Variants in NAA16 observed in about 807,000 individuals in gnomAD.
The protein encoded by NAA16 is N-alpha-acetyltransferase 16, NatA auxiliary subunit, also known as NARG1-like protein.
Under a neutral mutation model 110.3 loss-of-function variants are expected in NAA16, and 97 were observed. The ratio of observed to expected loss-of-function variants is 0.88; its 90% confidence interval spans 0.75 to 1.04. The LOEUF is 1.04. Among genes scored for constraint, NAA16 ranks in the 50% least tolerant of loss-of-function variants. The pLI, the probability that NAA16 is intolerant of heterozygous loss-of-function variation, is 0.00. For missense variants in NAA16, 1,017 were observed against 1,005.1 expected, an observed-to-expected ratio of 1.01 and a Z score of -0.16; for synonymous variants, 372 against 330.6, an observed-to-expected ratio of 1.13 and a Z score of -1.36.
chr13:41,328,511 A>C (rs537626025), intron 6 of NAA16, among the ~76,000 whole-genome samples: 4 of 152,146 alleles, frequency 2.6e-5, no homozygotes, highest in African/African-American at 9.6e-5. Flanking sequence ...ATTTGTTTGG[A>C]GTGTAAGAGG....
chr13:41,336,548 G>A (rs2042386068), intron 8 of NAA16, 102 bp from the exon 9 acceptor site: 2 of 645,116 alleles, frequency 3.1e-6, no homozygotes, highest in Non-Finnish European at 5.3e-6. Flanking sequence ...AAATTGGATA[G>A]GAGCATAATT....
At chr13:41,344,016 C>G (rs994002876) in intron 9 of NAA16, among the ~76,000 whole-genome samples, 1 of 152,220 alleles carries the variant, frequency 6.6e-6, no homozygotes, top group Non-Finnish European at 1.5e-5. Context: ...GTTATATAAT[C>G]TTCATTATCC....
rs74049136 is a variant in NAA16 at position 41,337,096 on chromosome 13, A to G, written c.1014+340A>G. ...TTTTAAATTAGTTATGCATGCTTTTAAAGTTAGAGCTTGGATAATTGAGTT... is the reference window on the plus strand; with the variant it reads ...TTTTAAATTAGTTATGCATGCTTTTGAAGTTAGAGCTTGGATAATTGAGTT... On this transcript the variant is annotated intron_variant, in intron 9 of 19. Coordinates refer to ENST00000379406, the MANE Select transcript of NAA16 (RefSeq NM_024561.5). Among the ~76,000 whole-genome samples, 1,054 of 152,276 alleles carry G rather than the reference A, an allele frequency of 6.9e-3. 16 individuals carry two copies. The highest frequency in any genetic ancestry group is 0.023 in the African/African-American group (973 of 41,542).
chr13:41,347,797 G>A (rs7989372), intron 9 of NAA16, among the ~76,000 whole-genome samples: 94,123 of 151,970 alleles, frequency 0.62, 32,246 homozygotes, highest in South Asian at 0.76. Flanking sequence ...CAAATAGATC[G>A]TTTTACTTCT....
intron 9 of NAA16, among the ~76,000 whole-genome samples, chr13:41,338,678 T>C (rs1481026009): frequency 1.3e-5 from 2 of 152,308 alleles, no homozygotes; most frequent in East Asian, 3.9e-4. Flanking sequence ...GATTTACTCA[T>C]GAGACCATTT....
intron 9 of NAA16, among the ~76,000 whole-genome samples, chr13:41,342,645 A>G (rs2042582987): frequency 6.6e-6 from 1 of 152,202 alleles, no homozygotes; most frequent in African/African-American, 2.4e-5. Flanking sequence ...TAGCAGCTTA[A>G]TGAGAAGATT....
chr13:41,346,279 A>C (rs1228827938), intron 9 of NAA16, among the ~76,000 whole-genome samples: 1 of 152,248 alleles, frequency 6.6e-6, no homozygotes, highest in Admixed American at 6.5e-5. Flanking sequence ...TGTCTAAAAA[A>C]GATTAACCAT....
chr13:41,372,230 A>G lies in NAA16; in HGVS notation c.1975A>G (p.Lys659Glu). 6.3e-7 allele frequency: 1 copy of G among 1,588,686 alleles called. No homozygotes were observed. The highest frequency in any genetic ancestry group is 1.8e-5 in the Admixed American group (1 of 54,990). ...RVENPLEEAV[K>E]FLIPLKNLVA... ...AGAAAATCCATTAGAGGAAGCCGTTAAGTTCCTTATACCTCTTAAGAACCT... is the reference window on the plus strand; with the variant it reads ...AGAAAATCCATTAGAGGAAGCCGTTGAGTTCCTTATACCTCTTAAGAACCT... Residue 659 changes from lysine to glutamate, a missense_variant, in exon 16 of 20, where the codon AAG becomes GAG. Transcript: ENST00000379406.
At chr13:41,324,252 C>A (rs1007114268) in intron 5 of NAA16, among the ~76,000 whole-genome samples, 3 of 151,512 alleles carry the variant, frequency 2.0e-5, no homozygotes, top group African/African-American at 7.3e-5. Flanking sequence ...CAAGTTCTGA[C>A]CAAAAGATAG....
intron 10 of NAA16, among the ~76,000 whole-genome samples, chr13:41,355,978 G>T (rs953758627): frequency 6.6e-6 from 1 of 152,138 alleles, no homozygotes; most frequent in Non-Finnish European, 1.5e-5. Flanking sequence ...TAACTTCCGG[G>T]TTCCTTATGT....
intron 9 of NAA16, among the ~76,000 whole-genome samples, chr13:41,353,754 G>A (rs1011779339): frequency 1.5e-5 from 2 of 137,536 alleles, no homozygotes; most frequent in Non-Finnish European, 3.1e-5. Context: ...GTGACAGAGG[G>A]CGACCCTGTC....
chr13:41,362,899 A>T (rs1593519116), intron 13 of NAA16: 1 of 1,173,840 alleles, frequency 8.5e-7, no homozygotes, highest in Non-Finnish European at 1.1e-6. Flanking sequence ...GCACCGTGGC[A>T]GTCACTTTGG....
rs377689273 is a variant in NAA16, at chr13:41,325,259, G to A, written c.538-439G>A. On this transcript the variant is annotated intron_variant, in intron 5 of 19. Transcript: ENST00000379406. ...TGTGCGCCACCGTGCCTGGCCAACGGAACTTACATGCACTGGGAAACCATA... is the reference window on the plus strand; with the variant it reads ...TGTGCGCCACCGTGCCTGGCCAACGAAACTTACATGCACTGGGAAACCATA... Among the ~76,000 whole-genome samples the A allele has an allele frequency of 6.5e-5, 9 of 138,532 alleles. No homozygotes were observed. In the East Asian group the frequency reaches 1.7e-3, roughly 26 times the overall value. 90.9% of individuals were successfully genotyped at this position (138,532 alleles called of 152,430 possible). A position where few individuals can be genotyped will look rare whatever the true frequency, so the allele number is the denominator to read the frequency against.
chr13:41,361,968 G>T (rs2043120103), intron 12 of NAA16, 63 bp from the exon 13 acceptor site: 4 of 1,567,534 alleles, frequency 2.6e-6, no homozygotes, highest in Non-Finnish European at 3.5e-6. Context: ...TTGTAAAGAG[G>T]AAATGATTTT....
At chr13:41,325,336 C>T (rs2042063775) in intron 5 of NAA16, among the ~76,000 whole-genome samples, 1 of 152,086 alleles carries the variant, frequency 6.6e-6, no homozygotes, top group Non-Finnish European at 1.5e-5. Flanking sequence ...CCCACAATAT[C>T]TCCAAGGTAT....
chr13:41,366,126 T>G (rs1361607516), intron 13 of NAA16, among the ~76,000 whole-genome samples: 3 of 152,158 alleles, frequency 2.0e-5, no homozygotes, highest in Non-Finnish European at 4.4e-5. Flanking sequence ...ATTTTATTGG[T>G]GGGAAAGATG....
Position 41,316,894 on chromosome 13 carries a change from A to G in NAA16, c.103A>G (p.Met35Val). The part of the protein sequence containing the change: ...QYKNGLKFCK[M>V]ILSNPKFAEH... ...CAAAAATGGCCTCAAGTTTTGCAAG[A>G]TGATTCTGTCGAACCCAAAATTTGC... is the stretch of plus-strand genomic sequence containing the variant. The change falls in exon 2 of 20, where the codon ATG (methionine) becomes GTG (valine). Residue 35 changes from methionine to valine, a missense_variant. By Grantham distance (21) the Met-to-Val change is conservative. Coordinates refer to ENST00000379406, the MANE Select transcript of NAA16 (RefSeq NM_024561.5). 2 of 1,613,854 alleles carry G rather than the reference A, an allele frequency of 1.2e-6. No individual in the cohort carries two copies. Among genetic ancestry groups the G allele is most frequent in the Non-Finnish European group, 8.5e-7 (1 of 1,179,834 alleles).
intron 9 of NAA16, among the ~76,000 whole-genome samples, chr13:41,350,970 T>A (rs2139470629): frequency 6.6e-6 from 1 of 152,250 alleles, no homozygotes; most frequent in East Asian, 1.9e-4. Context: ...GTACATTGAT[T>A]TGGGACTTCC....
In NAA16 at chr13:41,314,930, G is replaced by T. The variant is rs544033252; in HGVS notation, c.55-1916G>T. 6.8e-4 allele frequency among the ~76,000 whole-genome samples: 103 copies of T among 152,318 alleles called. 1 individual carries two copies. Among genetic ancestry groups the T allele is most frequent in the Admixed American group, 1.1e-3 (17 of 15,302 alleles). ...GTGGGAAGATCACTTGAGCTCAGCAGTTTGAGGTTATGGTGATTGTGTCAC... is the reference window on the plus strand; with the variant it reads ...GTGGGAAGATCACTTGAGCTCAGCATTTTGAGGTTATGGTGATTGTGTCAC... On this transcript the variant is annotated intron_variant, in intron 1 of 19. Coordinates refer to ENST00000379406, the MANE Select transcript of NAA16 (RefSeq NM_024561.5).
Sources: gnomAD v4.1 joint callset for allele counts (sites outside exome capture counted in the v4.1 genomes callset) on GRCh38, gnomAD v4.1.1 for gene constraint, MANE v1.5 for transcripts, NCBI Gene and HGNC (gene_info 2026-07-23, HGNC 2026-07-21) for gene names.